The following PLBD1 variants were observed in gnomAD, a reference collection of about 807,000 sequenced individuals.
PLBD1 encodes the protein lysosomal leucine aminopeptidase.
In PLBD1, 60 loss-of-function variants were observed where a neutral mutation model predicts 63.0. That is an observed-to-expected ratio of 0.95 (90% CI 0.77 to 1.18). The LOEUF is 1.18. Ranked by LOEUF, PLBD1 falls within the 50% of genes most tolerant of loss-of-function variation. The pLI is 0.00. For missense variants in PLBD1, 598 were observed against 677.9 expected (o/e 0.88, Z 1.31); for synonymous variants, 262 against 248.0 (o/e 1.06, Z -0.53).
At position 14,553,193 on chromosome 12, in the gene PLBD1, G is replaced by A. The variant is rs1458348158; in HGVS notation, c.335C>T (p.Pro112Leu). 5.6e-6 allele frequency: 9 copies of A among 1,607,002 alleles called. No individual in the cohort carries two copies. The highest frequency in any genetic ancestry group is 7.6e-6 in the Non-Finnish European group (9 of 1,176,952). ...GCTCTACCATGACTGGGATACTTAC[G>A]GGGCAGTGAGGTAACCCTCCAAAAA... is the stretch of plus-strand genomic sequence containing the variant. ...AGFLEGYLTAPHMNDHYTNLY... is the reference protein window; with the variant it reads ...AGFLEGYLTALHMNDHYTNLY... The change falls in exon 2 of 11, where the codon CCA becomes CTA. Residue 112 changes from proline (P) to leucine (L), a missense_variant and splice_region_variant. Physicochemically the swap from Pro to Leu is moderately conservative, Grantham distance 98. Coordinates refer to ENST00000240617, the MANE Select transcript of PLBD1 (RefSeq NM_024829.6).
At chr12:14,512,943 A>G (rs1416404274) in intron 6 of PLBD1, among the ~76,000 whole-genome samples, 1 of 152,212 alleles carries the variant, frequency 6.6e-6, no homozygotes, top group African/African-American at 2.4e-5. Flanking sequence ...CCCAGCCTCC[A>G]GAACTGTGAG....
chr12:14,516,103 G>T (rs1945334861), intron 6 of PLBD1, among the ~76,000 whole-genome samples: 1 of 150,172 alleles, frequency 6.7e-6, no homozygotes, highest in African/African-American at 2.5e-5. Flanking sequence ...GGCTGAGGCA[G>T]GTGGATCACA....
intron 6 of PLBD1, among the ~76,000 whole-genome samples, chr12:14,521,564 G>A (rs1039300174): frequency 6.6e-6 from 1 of 152,090 alleles, no homozygotes; most frequent in Admixed American, 6.6e-5. Context: ...TGAAAAAACT[G>A]CATGGTGACT....
At chr12:14,524,278 T>C (rs1222256761) in intron 6 of PLBD1, among the ~76,000 whole-genome samples, 1 of 152,072 alleles carries the variant, frequency 6.6e-6, no homozygotes, top group Non-Finnish European at 1.5e-5. Flanking sequence ...TATTATATAT[T>C]TTAAATAACT....
chr12:14,548,363 T>G (rs1420828074), intron 2 of PLBD1, among the ~76,000 whole-genome samples: 1 of 144,766 alleles, frequency 6.9e-6, no homozygotes, highest in Non-Finnish European at 1.5e-5. Flanking sequence ...AGGCTGAGCC[T>G]AGAGAATCGC....
At chr12:14,553,054 G>C in intron 2 of PLBD1, 139 bp downstream of exon 2, 1 of 812,322 alleles carries the variant, frequency 1.2e-6, no homozygotes, top group Non-Finnish European at 2.0e-6. Flanking sequence ...ATGCAATTCT[G>C]ATAATGTCTC....
At position 14,506,895 on chromosome 12, in the gene PLBD1, A is replaced by G. The variant is rs776812824; in HGVS notation, c.1372+38T>C. ...TTCTGTATCCATAGGGAAGAAAAGG[A>G]GTTTTGAAGAATGATTCTTGAGAAA... On this transcript the variant is annotated intron_variant, in intron 9 of 10. Coordinates refer to ENST00000240617, the MANE Select transcript of PLBD1 (RefSeq NM_024829.6). The G allele has an allele frequency of 2.3e-5, 36 of 1,570,958 alleles. No individual in the cohort carries two copies. In the Middle Eastern group the frequency reaches 5.0e-4, roughly 22 times the overall value.
intron 6 of PLBD1, among the ~76,000 whole-genome samples, chr12:14,523,100 G>A (rs1189857717): frequency 6.6e-6 from 1 of 151,830 alleles, no homozygotes; most frequent in Non-Finnish European, 1.5e-5. Flanking sequence ...TCTTATACAG[G>A]GAAAACCCTG....
rs764927343 is a variant in PLBD1 at position 14,503,766 on chromosome 12, C to T, written c.*6G>A. ...TTACAGTCTTCTAGTCCGTCATCTCCCTCCTTCATTTTATATCAAGTTTCA... is the reference window on the plus strand; with the variant it reads ...TTACAGTCTTCTAGTCCGTCATCTCTCTCCTTCATTTTATATCAAGTTTCA... On this transcript the variant is annotated 3_prime_UTR_variant, in exon 11 of 11. Transcript: ENST00000240617. The T allele has an allele frequency of 1.2e-6, 2 of 1,609,110 alleles. No individual in the cohort carries two copies. Among genetic ancestry groups the T allele is most frequent in the South Asian group, 1.1e-5 (1 of 90,854 alleles).
Position 14,506,278 on chromosome 12 carries a change from A to G in PLBD1, c.1373-10T>C. 6.4e-7 allele frequency: 1 copy of G among 1,561,206 alleles called. No individual in the cohort carries two copies. The highest frequency in any genetic ancestry group is 8.8e-7 in the Non-Finnish European group (1 of 1,134,088). On this transcript the variant is annotated splice_polypyrimidine_tract_variant and intron_variant, in intron 9 of 10. Coordinates refer to ENST00000240617, the MANE Select transcript of PLBD1 (RefSeq NM_024829.6). Reference sequence around the variant, plus strand: ...GGATCCTTCTTATAATCTAGGAAACAGAAATGGGGAAGAGAGTGATTATTG... The same window carrying G: ...GGATCCTTCTTATAATCTAGGAAACGGAAATGGGGAAGAGAGTGATTATTG...
At chr12:14,567,248 A>G (rs1945797096) in intron 1 of PLBD1, among the ~76,000 whole-genome samples, 1 of 152,380 alleles carries the variant, frequency 6.6e-6, no homozygotes, top group Middle Eastern at 3.4e-3. Context: ...TACAATCTGG[A>G]TAAATATATT....
At chr12:14,542,322 A>AT (rs1945579636) in intron 2 of PLBD1, 31 bp from the exon 3 acceptor site, 1 of 1,504,056 alleles carries the variant, frequency 6.6e-7, no homozygotes, top group African/African-American at 1.4e-5. Context: ...TATTACATTT[A>AT]TATTTTTCTT....
In PLBD1 at chr12:14,540,766, T is replaced by C. The variant is rs1945565105; in HGVS notation, c.556A>G (p.Lys186Glu). The change falls in exon 4 of 11, where the codon AAG becomes GAG. Residue 186 changes from lysine (K) to glutamate (E), a missense_variant and splice_region_variant. By Grantham distance (56) the Lys-to-Glu change is moderately conservative. Coordinates refer to ENST00000240617, the MANE Select transcript of PLBD1 (RefSeq NM_024829.6). ...AKKRAILEGT[K>E]PMTLFQIQFL... ...GAGAAGCTTGTTTAAAGTCCTACCT[T>C]TGTCCCTTCTAATATAGCCCTCTTC... The C allele has an allele frequency of 6.3e-7, 1 of 1,591,514 alleles. No homozygotes were observed. The highest frequency in any genetic ancestry group is 1.1e-5 in the South Asian group (1 of 87,940).
At chr12:14,504,465 G>C (rs1295390901) in intron 10 of PLBD1, among the ~76,000 whole-genome samples, 1 of 152,206 alleles carries the variant, frequency 6.6e-6, no homozygotes, top group Non-Finnish European at 1.5e-5. Context: ...AATGAACAAT[G>C]TAGCCAAAAG....
At chr12:14,541,890 A>G (rs1945574717) in intron 3 of PLBD1, among the ~76,000 whole-genome samples, 1 of 152,188 alleles carries the variant, frequency 6.6e-6, no homozygotes, top group Non-Finnish European at 1.5e-5. Flanking sequence ...ATCCCTGAAA[A>G]AAGGAGAAGG....
intron 2 of PLBD1, among the ~76,000 whole-genome samples, chr12:14,544,402 G>C (rs1329960097): frequency 6.6e-6 from 1 of 152,164 alleles, no homozygotes; most frequent in Non-Finnish European, 1.5e-5. Context: ...TTGAACTCCT[G>C]ACCTCAGGTG....
chr12:14,559,103 AT>A (rs995592284), intron 1 of PLBD1, among the ~76,000 whole-genome samples: 12 of 152,134 alleles, frequency 7.9e-5, no homozygotes, highest in Non-Finnish European at 1.3e-4. Flanking sequence ...ATACTTTTCC[AT>A]TTTTTAAAAA....
chr12:14,542,767 G>T (rs916603874), intron 2 of PLBD1, among the ~76,000 whole-genome samples: 1 of 152,110 alleles, frequency 6.6e-6, no homozygotes, highest in African/African-American at 2.4e-5. Flanking sequence ...GATCATACTG[G>T]CTGGGCACGG....
chr12:14,510,380 C>T (rs12318496), intron 8 of PLBD1, among the ~76,000 whole-genome samples: 5,514 of 152,110 alleles, frequency 0.036, 319 homozygotes, highest in African/African-American at 0.12. Context: ...GGTGACAGAG[C>T]GACACTCCAT....
Sources: allele counts gnomAD v4.1 joint callset (sites outside exome capture counted in the v4.1 genomes callset), GRCh38; gene constraint gnomAD v4.1.1; transcripts MANE v1.5; gene names NCBI Gene and HGNC (gene_info 2026-07-23, HGNC 2026-07-21).